Variants in PCDHGA4 observed in about 807,000 individuals in gnomAD.
PCDHGA4 encodes the protein protocadherin gamma-A4.
In PCDHGA4, 38 loss-of-function variants were observed where a neutral mutation model predicts 54.6. The observed-to-expected ratio is 0.70, with a 90% CI of 0.54 to 0.91. The LOEUF (loss-of-function observed/expected upper bound fraction) is 0.91. Among genes scored for constraint, PCDHGA4 ranks in the 40% least tolerant of loss-of-function variants. The pLI is 0.00. For missense variants in PCDHGA4, 1,298 were observed against 1,220.9 expected (o/e 1.06, Z -0.94); for synonymous variants, 511 against 512.9 (o/e 1.00, Z 0.05).
intron 1 of PCDHGA4, chr5:141,415,325 C>T (rs1046074461): frequency 2.2e-5 from 35 of 1,614,212 alleles, no homozygotes; most frequent in East Asian, 6.7e-5. Context: ...GTGCTGCTGG[C>T]GCACAGGCTG....
chr5:141,359,214 T>C (rs1406319381), intron 1 of PCDHGA4, among the ~76,000 whole-genome samples: 1 of 152,134 alleles, frequency 6.6e-6, no homozygotes, highest in Non-Finnish European at 1.5e-5. Context: ...GAGAGACAAC[T>C]TACATCTGAG....
Position 141,355,494 on chromosome 5 carries a change from A to G in PCDHGA4, c.387A>G (p.Arg129=). ...GRIDREELCD[R]SPNCVTNLEI... is the part of the protein sequence containing the mutation. ...TAGACAGGGAGGAGCTCTGCGACAG[A>G]TCTCCAAACTGTGTGACAAACCTGG... The change falls in exon 1 of 4, where the codon AGA becomes AGG. Residue 129 remains arginine, a synonymous_variant. Coordinates refer to ENST00000571252, the MANE Select transcript of PCDHGA4 (RefSeq NM_018917.4). 6.2e-7 allele frequency: 1 copy of G among 1,614,040 alleles called. No individual in the cohort carries two copies.
Position 141,360,422 on chromosome 5 carries a change from G to A in PCDHGA4, c.2514+2801G>A, listed in dbSNP as rs1042149116. The stretch of plus-strand genomic sequence containing the variant: ...GACAGAATAGACCGAGAACAGATAT[G>A]CGGGAAGCAGCCTCTGTGTGTTCTG... On this transcript the variant is annotated intron_variant, in intron 1 of 3. Coordinates refer to ENST00000571252, the MANE Select transcript of PCDHGA4 (RefSeq NM_018917.4). The A allele has an allele frequency of 1.1e-5, 17 of 1,613,872 alleles. No individual in the cohort carries two copies. The highest frequency in any genetic ancestry group is 1.4e-5 in the Non-Finnish European group (17 of 1,179,902).
At chr5:141,370,362 CGGATTTA>C in intron 1 of PCDHGA4, 2 of 1,517,790 alleles carry the variant, frequency 1.3e-6, no homozygotes, top group Non-Finnish European at 1.8e-6. Flanking sequence ...CTCCTCTCCT[CGGATTTA>C]GAAAGGCAAA....
intron 1 of PCDHGA4, chr5:141,408,246 A>C: frequency 6.3e-7 from 1 of 1,590,754 alleles, no homozygotes; most frequent in Non-Finnish European, 8.6e-7. Flanking sequence ...GGCCCGCGGC[A>C]GGTGCTATTT....
intron 1 of PCDHGA4, chr5:141,398,034 A>G: frequency 6.8e-7 from 1 of 1,475,238 alleles, no homozygotes; most frequent in South Asian, 1.4e-5. Context: ...AACTGGAACT[A>G]AAGCCCGTTC....
At chr5:141,397,627 T>C (rs2093547800) in intron 1 of PCDHGA4, among the ~76,000 whole-genome samples, 1 of 152,224 alleles carries the variant, frequency 6.6e-6, no homozygotes, top group African/African-American at 2.4e-5. Context: ...TAGTTCTAGC[T>C]AAGAGTTCAA....
chr5:141,437,331 A>T (rs2097876062), intron 1 of PCDHGA4, among the ~76,000 whole-genome samples: 1 of 152,244 alleles, frequency 6.6e-6, no homozygotes, highest in South Asian at 2.1e-4. Context: ...TAAAATTTGT[A>T]GCTTCACTGT....
chr5:141,509,056 G>C (rs1303823294), intron 3 of PCDHGA4, among the ~76,000 whole-genome samples: 1 of 152,178 alleles, frequency 6.6e-6, no homozygotes, highest in Non-Finnish European at 1.5e-5. Flanking sequence ...CCCCCAGAAA[G>C]CTCTCAGCTC....
intron 1 of PCDHGA4, among the ~76,000 whole-genome samples, chr5:141,363,627 C>T (rs1763008344): frequency 6.6e-6 from 1 of 152,226 alleles, no homozygotes; most frequent in Non-Finnish European, 1.5e-5. Flanking sequence ...GAGACTTTCT[C>T]AAAGTCCTCA....
rs747283905 is a variant in PCDHGA4, at chr5:141,491,693, G to A, written c.2515-3114G>A. On this transcript the variant is annotated intron_variant, in intron 1 of 3. Transcript: ENST00000571252. The surrounding 1 kb of genome is among the most constrained non-coding windows in gnomAD (Gnocchi z 6.9). ...TCCCGCTCTAATACGCTGCGGGAGC[G>A]GAGCCAGGTGAGGGGCTCGGCGCCG... 3.7e-5 allele frequency: 59 copies of A among 1,612,434 alleles called. No homozygotes were observed. Among genetic ancestry groups the A allele is most frequent in the Non-Finnish European group, 4.7e-5 (55 of 1,179,352 alleles).
chr5:141,467,693 G>A lies in PCDHGA4; in HGVS notation c.2515-27114G>A, dbSNP rs543886467. Among the ~76,000 whole-genome samples the A allele has an allele frequency of 2.0e-4, 30 of 152,110 alleles. No individual in the cohort carries two copies. In the South Asian group the frequency reaches 5.6e-3, roughly 28 times the overall value. On this transcript the variant is annotated intron_variant, in intron 1 of 3. Transcript: ENST00000571252. ...TTTTATTTTTTTTAGACAGGGTCTGGCTCTGTTGCCCAGGCTGGAGTGTAG... is the reference window on the plus strand; with the variant it reads ...TTTTATTTTTTTTAGACAGGGTCTGACTCTGTTGCCCAGGCTGGAGTGTAG...
intron 1 of PCDHGA4, chr5:141,397,910 C>G (rs1016162515): frequency 1.3e-5 from 9 of 680,688 alleles, no homozygotes; most frequent in Non-Finnish European, 2.2e-5. Flanking sequence ...GCTTGGCGCT[C>G]CAGATCTCCT....
intron 1 of PCDHGA4, chr5:141,414,010 G>A (rs1308472085): frequency 1.2e-6 from 2 of 1,612,990 alleles, no homozygotes; most frequent in Non-Finnish European, 1.7e-6. Flanking sequence ...AGGTGCCAAT[G>A]GAGAAGTGAC....
At chr5:141,421,363 G>T (rs749916401) in intron 1 of PCDHGA4, 2 of 1,613,898 alleles carry the variant, frequency 1.2e-6, no homozygotes, top group South Asian at 2.2e-5. Flanking sequence ...GGGCTCCTTC[G>T]TGGGCAATAT....
At chr5:141,419,938 G>A in intron 1 of PCDHGA4, 1 of 1,614,102 alleles carries the variant, frequency 6.2e-7, no homozygotes, top group Non-Finnish European at 8.5e-7. Context: ...TTTACCTGGT[G>A]GTGGCCTTGG....
chr5:141,408,378 T>C lies in PCDHGA4; in HGVS notation c.2514+50757T>C, dbSNP rs1369625426. 28 of 1,613,884 alleles carry C rather than the reference T, an allele frequency of 1.7e-5. No homozygotes were observed. The South Asian group carries it at 3.0e-4, about 17-fold the overall frequency. The stretch of plus-strand genomic sequence containing the variant: ...GCTAAGGATCTAGGGCTCAGTGTCC[T>C]GGATGTGTCGGCTCGCAAGCTGCGA... On this transcript the variant is annotated intron_variant, in intron 1 of 3. Transcript: ENST00000571252.
rs201391904 is a variant in PCDHGA4, at chr5:141,494,843, G to A, written c.2551G>A (p.Ala851Thr). Residue 851 changes from alanine to threonine, a missense_variant, in exon 2 of 4, where the codon GCC becomes ACC. Transcript: ENST00000571252. ...PPNTDWRFSQ[A>T]QRPGTSGSQN... is the part of the protein sequence containing the mutation. ...CAACACGGACTGGCGTTTCTCTCAG[G>A]CCCAGAGACCCGGCACCAGCGGGTA... 1.9e-6 allele frequency: 3 copies of A among 1,614,088 alleles called. No homozygotes were observed. Among genetic ancestry groups the A allele is most frequent in the Admixed American group, 3.3e-5 (2 of 60,008 alleles).
intron 1 of PCDHGA4, among the ~76,000 whole-genome samples, chr5:141,434,848 C>T (rs1224972794): frequency 6.6e-6 from 1 of 151,786 alleles, no homozygotes; most frequent in Non-Finnish European, 1.5e-5. Context: ...AAGCAGACAT[C>T]AATAAATTTA....
Sources: gnomAD v4.1 joint callset for allele counts (sites outside exome capture counted in the v4.1 genomes callset) on GRCh38, gnomAD v4.1.1 for gene constraint, Gnocchi (gnomAD v3.1) non-coding constraint, MANE v1.5 for transcripts, NCBI Gene and HGNC (gene_info 2026-07-23, HGNC 2026-07-21) for gene names.